Variants in FOXK2 observed in about 807,000 individuals in gnomAD.
FOXK2 encodes forkhead box K2.
FOXK2 carries 24 observed loss-of-function variants against 53.3 expected under a neutral mutation model. The observed-to-expected ratio is 0.45, with a 90% CI of 0.33 to 0.63. The LOEUF (loss-of-function observed/expected upper bound fraction) is 0.63. Ranked by LOEUF, FOXK2 falls within the 30% of genes least tolerant of loss-of-function variation. The pLI is 0.03. For missense variants in FOXK2, 952 were observed against 910.5 expected (o/e 1.05, Z -0.59); for synonymous variants, 505 against 407.1 (o/e 1.24, Z -2.89).
rs1195907904 is a variant in FOXK2, at chr17:82,520,145, C to T, written c.257C>T (p.Pro86Leu). Residue 86 changes from proline (P) to leucine (L), a missense_variant, in exon 1 of 9, where the codon CCG becomes CTG. Pro to Leu is a moderately conservative substitution (Grantham distance 98, BLOSUM62 -3). Transcript: ENST00000335255. ...SRRHLEIFTP[P>L]GGGGHGGAAP... ...CGCCACCTCGAGATCTTCACGCCCCCGGGCGGCGGCGGCCATGGCGGGGCC... is the reference window on the plus strand; with the variant it reads ...CGCCACCTCGAGATCTTCACGCCCCTGGGCGGCGGCGGCCATGGCGGGGCC... 1.6e-5 allele frequency: 25 copies of T among 1,522,282 alleles called. No individual in the cohort carries two copies. Among genetic ancestry groups the T allele is most frequent in the Non-Finnish European group, 2.0e-5 (23 of 1,134,820 alleles). 94.3% of individuals were successfully genotyped at this position (1,522,282 alleles called of 1,614,324 possible). A position where few individuals can be genotyped will look rare whatever the true frequency, so the allele number is the denominator to read the frequency against.
chr17:82,566,417 A>C (rs1264610279), intron 2 of FOXK2, among the ~76,000 whole-genome samples: 2 of 152,002 alleles, frequency 1.3e-5, no homozygotes, highest in African/African-American at 2.4e-5. Flanking sequence ...CTTTGCTGAG[A>C]GGCTGCCCTC....
At chr17:82,570,337 C>G (rs905800402) in intron 3 of FOXK2, among the ~76,000 whole-genome samples, 1 of 152,114 alleles carries the variant, frequency 6.6e-6, no homozygotes, top group Non-Finnish European at 1.5e-5. Context: ...TACAAAAATA[C>G]CAAAAATTAG....
At chr17:82,541,778 A>G (rs1283174512) in intron 1 of FOXK2, among the ~76,000 whole-genome samples, 1 of 149,120 alleles carries the variant, frequency 6.7e-6, no homozygotes, top group Non-Finnish European at 1.5e-5. Flanking sequence ...TGGTGCGATC[A>G]TGGCTCACTG....
At chr17:82,589,447 AC>A (rs1047070410) in intron 8 of FOXK2, among the ~76,000 whole-genome samples, 4 of 152,248 alleles carry the variant, frequency 2.6e-5, no homozygotes, top group Non-Finnish European at 5.9e-5. Flanking sequence ...AATTGATAAA[AC>A]CCAAAAATAT....
At chr17:82,527,285 C>T (rs1352605383) in intron 1 of FOXK2, among the ~76,000 whole-genome samples, 1 of 152,062 alleles carries the variant, frequency 6.6e-6, no homozygotes, top group East Asian at 1.9e-4. Context: ...GGATTACAGG[C>T]ATGCACCACC....
chr17:82,599,343 T>G (rs954974019), intron 8 of FOXK2: 5 of 152,198 alleles, frequency 3.3e-5, no homozygotes, highest in Admixed American at 2.6e-4. Flanking sequence ...TAACCTCAGG[T>G]GATCCTCTCG....
rs368830698 is a variant in FOXK2, at chr17:82,584,168, G to A, written c.1259G>A (p.Arg420Gln). 7 of 1,605,892 alleles carry A rather than the reference G, an allele frequency of 4.4e-6. No individual in the cohort carries two copies. The highest frequency in any genetic ancestry group is 5.9e-6 in the Non-Finnish European group (7 of 1,177,646). The change falls in exon 6 of 9, where the codon CGG (arginine) becomes CAG (glutamine). Residue 420 changes from arginine (R) to glutamine (Q), a missense_variant. Arg to Gln is a conservative substitution (Grantham distance 43, BLOSUM62 1). Coordinates refer to ENST00000335255, the MANE Select transcript of FOXK2 (RefSeq NM_004514.4). Reference sequence around the variant, plus strand: ...AAACTCGCTGTCATCCAGGAAGCCCGGTTTGCCCAGAGCGCCCCAGGTGAG... The same window carrying A: ...AAACTCGCTGTCATCCAGGAAGCCCAGTTTGCCCAGAGCGCCCCAGGTGAG... ...QPKLAVIQEA[R>Q]FAQSAPGSPL...
At chr17:82,554,692 C>T (rs1490260437) in intron 1 of FOXK2, among the ~76,000 whole-genome samples, 1 of 151,752 alleles carries the variant, frequency 6.6e-6, no homozygotes, top group Non-Finnish European at 1.5e-5. Flanking sequence ...AAACAGATTC[C>T]TAGTCTATAC....
At chr17:82,557,192 C>T (rs1290378976) in intron 1 of FOXK2, among the ~76,000 whole-genome samples, 1 of 150,618 alleles carries the variant, frequency 6.6e-6, no homozygotes, top group South Asian at 2.1e-4. Flanking sequence ...ACCACCACGC[C>T]TGGCTAATTT....
intron 1 of FOXK2, among the ~76,000 whole-genome samples, chr17:82,550,552 G>T (rs1245687542): frequency 6.6e-6 from 1 of 151,066 alleles, no homozygotes; most frequent in Non-Finnish European, 1.5e-5. Context: ...CCCCAGGCGG[G>T]AGTGCAGTGG....
At chr17:82,572,084 G>A (rs1053671759) in intron 4 of FOXK2, 10 of 437,758 alleles carry the variant, frequency 2.3e-5, no homozygotes, top group African/African-American at 1.0e-4. Flanking sequence ...CTGGAGGAGC[G>A]TCTAGGCCTG....
intron 1 of FOXK2, among the ~76,000 whole-genome samples, chr17:82,537,411 G>C (rs1162182215): frequency 6.6e-6 from 1 of 151,890 alleles, no homozygotes; most frequent in African/African-American, 2.4e-5. Context: ...ACTTTGGGAG[G>C]CTGAGGTGGG....
chr17:82,587,428 A>G, intron 8 of FOXK2, 156 bp downstream of exon 8: 1 of 673,822 alleles, frequency 1.5e-6, no homozygotes, highest in Non-Finnish European at 2.6e-6. Flanking sequence ...ATGCTGGGGA[A>G]GTGGTCGTGG....
In FOXK2 at chr17:82,520,171, G is replaced by C. The variant is rs751068353; in HGVS notation, c.283G>C (p.Ala95Pro). 10 of 1,478,356 alleles carry C rather than the reference G, an allele frequency of 6.8e-6. No individual in the cohort carries two copies. The highest frequency in any genetic ancestry group is 1.5e-5 in the African/African-American group (1 of 68,316). The allele number at this position is 1,478,356 out of a possible 1,614,324, so 91.6% of individuals were successfully genotyped here. A position where few individuals can be genotyped will look rare whatever the true frequency, so the allele number is the denominator to read the frequency against. Reference protein sequence around the residue: ...PPGGGGHGGAAPELPPAQPRP... With the variant: ...PPGGGGHGGAPPELPPAQPRP... ...GGGCGGCGGCGGCCATGGCGGGGCC[G>C]CTCCGGAGCTGCCGCCCGCGCAGCC... The change falls in exon 1 of 9, where the codon GCT becomes CCT. Residue 95 changes from alanine to proline, a missense_variant. This residue lies in a region of FOXK2 where 163 missense variants were observed against 165.5 expected (regional missense o/e 0.98). Transcript: ENST00000335255.
At chr17:82,542,724 G>A (rs2044586564) in intron 1 of FOXK2, among the ~76,000 whole-genome samples, 1 of 152,118 alleles carries the variant, frequency 6.6e-6, no homozygotes, top group Non-Finnish European at 1.5e-5. Context: ...GGCTTGGTCA[G>A]CTTTAAAAGT....
intron 1 of FOXK2, 65 bp from the exon 2 acceptor site, chr17:82,563,288 GT>G: frequency 6.7e-7 from 1 of 1,495,930 alleles, no homozygotes; most frequent in East Asian, 2.3e-5. Context: ...GTGGGGACAT[GT>G]GGGGACTCTG....
At chr17:82,532,560 C>G (rs2044482281) in intron 1 of FOXK2, among the ~76,000 whole-genome samples, 1 of 152,072 alleles carries the variant, frequency 6.6e-6, no homozygotes, top group South Asian at 2.1e-4. Flanking sequence ...TAGTTTAAAA[C>G]ACACATTGTG....
At position 82,585,889 on chromosome 17, in the gene FOXK2, T is replaced by C; in HGVS notation, c.1280-15T>C. On this transcript the variant is annotated splice_polypyrimidine_tract_variant and intron_variant, in intron 6 of 8. Transcript: ENST00000335255. ...CAGTATCTGTAAGTGTCAGTCCTGC[T>C]GTGTCTTTCACCAGGGTCACCTCTG... 6.2e-7 allele frequency: 1 copy of C among 1,601,790 alleles called. No homozygotes were observed. Among genetic ancestry groups the C allele is most frequent in the Non-Finnish European group, 8.5e-7 (1 of 1,172,168 alleles).
intron 1 of FOXK2, among the ~76,000 whole-genome samples, chr17:82,535,748 G>GTTTTTTTTTTTTTTTTTTT (rs138654812): frequency 7.1e-6 from 1 of 140,108 alleles, no homozygotes; most frequent in African/African-American, 2.6e-5. Flanking sequence ...GTGTGTTTTT[G>GTTTTTTTTTTTTTTTTTTT]TTTTTGTTTT....
Sources: gnomAD v4.1 joint callset for allele counts (sites outside exome capture counted in the v4.1 genomes callset) on GRCh38, gnomAD v4.1.1 for gene constraint, gnomAD v4.1.1 regional missense constraint, MANE v1.5 for transcripts, NCBI Gene and HGNC (gene_info 2026-07-23, HGNC 2026-07-21) for gene names.